The following RFC2 variants were observed in gnomAD, a reference collection of about 807,000 sequenced individuals.
The protein encoded by RFC2 is replication factor C subunit 2.
RFC2 carries 34 observed loss-of-function variants against 44.8 expected under a neutral mutation model. The observed-to-expected ratio is 0.76, with a 90% CI of 0.58 to 1.01. The LOEUF (loss-of-function observed/expected upper bound fraction) is 1.01. Among genes scored for constraint, RFC2 ranks in the 50% least tolerant of loss-of-function variants. RFC2 has a pLI of 0.00. For missense variants in RFC2, 400 were observed against 453.6 expected (o/e 0.88, Z 1.07); for synonymous variants, 177 against 168.9 (o/e 1.05, Z -0.37).
Position 74,240,049 on chromosome 7 carries a change from G to C in RFC2, c.582C>G (p.Thr194=), listed in dbSNP as rs142341467. ...TCAGCCTGGTGAGGATCTGGGCGTCGGTCAGCTTTGTGTACCGGAGGACTG... is the reference window on the plus strand; with the variant it reads ...TCAGCCTGGTGAGGATCTGGGCGTCCGTCAGCTTTGTGTACCGGAGGACTG... The part of the protein sequence containing the change: ...RCAVLRYTKL[T]DAQILTRLMN... Residue 194 remains threonine (T), a synonymous_variant, in exon 7 of 11, where the codon ACC becomes ACG. Coordinates refer to ENST00000055077, the MANE Select transcript of RFC2 (RefSeq NM_181471.3). 1 of 1,614,016 alleles carries C rather than the reference G, an allele frequency of 6.2e-7. No individual in the cohort carries two copies. The highest frequency in any genetic ancestry group is 8.5e-7 in the Non-Finnish European group (1 of 1,179,942).
chr7:74,232,296 T>C, intron 10 of RFC2, 80 bp from the exon 11 acceptor site: 1 of 795,872 alleles, frequency 1.3e-6, no homozygotes, highest in Non-Finnish European at 2.1e-6. Context: ...AAAATAAAAA[T>C]AAAAACAGAA....
chr7:74,254,359 C>T lies in RFC2; in HGVS notation c.25G>A (p.Gly9Ser), dbSNP rs1554721611. ...TCCTGGGCCTCCACCTCGCCCGCGC[C>T]ACCACAGACGGCCTCCACCTCCATT... is the stretch of plus-strand genomic sequence containing the variant. MEVEAVCGGAGEVEAQDSD... is the reference protein window; with the variant it reads MEVEAVCGSAGEVEAQDSD... Residue 9 changes from glycine to serine, a missense_variant, in exon 1 of 11, where the codon GGC (glycine) becomes AGC (serine). By Grantham distance (56) the Gly-to-Ser change is moderately conservative. Coordinates refer to ENST00000055077, the MANE Select transcript of RFC2 (RefSeq NM_181471.3). The T allele has an allele frequency of 2.5e-6, 4 of 1,608,994 alleles. No homozygotes were observed. The Admixed American group carries it at 6.7e-5, about 27-fold the overall frequency.
At position 74,238,126 on chromosome 7, in the gene RFC2, A is replaced by G. The variant is rs1803126877; in HGVS notation, c.760-684T>C. On this transcript the variant is annotated intron_variant, in intron 8 of 10. Coordinates refer to ENST00000055077, the MANE Select transcript of RFC2 (RefSeq NM_181471.3). The surrounding 1 kb of genome is among the most constrained non-coding windows in gnomAD (Gnocchi z 4.0). ...TCCAAGACAAAACAGGGCCCGAACC[A>G]TCACCCCTGTTTCTGAGCGGGCCTC... Among the ~76,000 whole-genome samples, 1 of 151,968 alleles carries G rather than the reference A, an allele frequency of 6.6e-6. No homozygotes were observed. The highest frequency in any genetic ancestry group is 1.5e-5 in the Non-Finnish European group (1 of 67,992).
chr7:74,243,846 T>G (rs782429414), intron 5 of RFC2, among the ~76,000 whole-genome samples: 1 of 151,168 alleles, frequency 6.6e-6, no homozygotes, highest in Non-Finnish European at 1.5e-5. Context: ...ATTATCATAA[T>G]GTAGAGCAAT....
Position 74,232,166 on chromosome 7 carries a change from CAA to C in RFC2, c.1003_1004del (p.Leu335AlafsTer26). 1 of 1,613,768 alleles carries C rather than the reference CAA, an allele frequency of 6.2e-7. No individual in the cohort carries two copies. Among genetic ancestry groups the C allele is most frequent in the Non-Finnish European group, 8.5e-7 (1 of 1,179,636 alleles). On this transcript the variant is annotated frameshift_variant, in exon 11 of 11. Coordinates refer to ENST00000055077, the MANE Select transcript of RFC2 (RefSeq NM_181471.3). LOFTEE classifies it high-confidence loss of function. ...GCCTTGCCAGGAGGCCTGCCATCTG[CAA>C]AAGAGAGTTCACTCCTTCCGCTATT... Reference protein sequence around the residue: ...MKIAEGVNSLLQMAGLLARLC... With the variant: ...MKIAEGVNSLXQMAGLLARLC...
Position 74,247,645 on chromosome 7 carries a change from AAAAG to A in RFC2, c.333-886_333-883del, listed in dbSNP as rs553372709. ...ACAGAGCAAGACTCTGTCTCAAAAA[AAAAG>A]AAAGAAAGAAAAGAACAGAACAGAA... On this transcript the variant is annotated intron_variant, in intron 4 of 10. Coordinates refer to ENST00000055077, the MANE Select transcript of RFC2 (RefSeq NM_181471.3). Among the ~76,000 whole-genome samples, 16 of 152,326 alleles carry A rather than the reference AAAAG, an allele frequency of 1.1e-4. No homozygotes were observed. In the East Asian group the frequency reaches 2.3e-3, roughly 22 times the overall value.
At chr7:74,241,368 G>T (rs1803320519) in intron 6 of RFC2, among the ~76,000 whole-genome samples, 1 of 152,254 alleles carries the variant, frequency 6.6e-6, no homozygotes, top group Non-Finnish European at 1.5e-5. Context: ...TAAGCGTTCG[G>T]TGAATGGGTT....
rs782099607 is a variant in RFC2 at position 74,249,092 on chromosome 7, T to C, written c.252A>G (p.Thr84=). ...IAGPPGTGKT[T]SILCLARALL... ...GGGCCCGGGCCAAGCACAGAATGCT[T>C]GTGGTCTTGCCGGTTCCTGGAGGGC... The change falls in exon 4 of 11, where the codon ACA becomes ACG. Residue 84 remains threonine (T), a synonymous_variant. Coordinates refer to ENST00000055077, the MANE Select transcript of RFC2 (RefSeq NM_181471.3). 2.5e-6 allele frequency: 4 copies of C among 1,613,996 alleles called. No homozygotes were observed. The highest frequency in any genetic ancestry group is 2.5e-6 in the Non-Finnish European group (3 of 1,180,010).
intron 7 of RFC2, among the ~76,000 whole-genome samples, chr7:74,239,729 TCAG>T (rs1424944418): frequency 1.3e-5 from 2 of 152,192 alleles, no homozygotes; most frequent in Non-Finnish European, 2.9e-5. Flanking sequence ...TCCTCCTGCC[TCAG>T]CCTCCGGGGT....
rs71094767 is a variant in RFC2 at position 74,242,749 on chromosome 7, TAA to T, written c.535+395_535+396del. Among the ~76,000 whole-genome samples, 92 of 105,634 alleles carry T rather than the reference TAA, an allele frequency of 8.7e-4. 2 individuals carry two copies. Among genetic ancestry groups the T allele is most frequent in the African/African-American group, 2.5e-3 (68 of 26,866 alleles). The allele number at this position is 105,634 out of a possible 152,430, so 69.3% of individuals were successfully genotyped here. On this transcript the variant is annotated intron_variant, in intron 6 of 10. Transcript: ENST00000055077. The stretch of plus-strand genomic sequence containing the variant: ...GCCAACATGGTGAAACCCCATCTCT[TAA>T]AAAAAAAAAAAAAAAAAAAAAATTA...
intron 10 of RFC2, among the ~76,000 whole-genome samples, chr7:74,234,339 T>C (rs1802889641): frequency 6.6e-6 from 1 of 152,114 alleles, no homozygotes; most frequent in African/African-American, 2.4e-5. Context: ...ACACATGAGT[T>C]GTTCTGGGAT....
At chr7:74,235,273 G>A (rs1554718048) in intron 10 of RFC2, among the ~76,000 whole-genome samples, 1 of 152,226 alleles carries the variant, frequency 6.6e-6, no homozygotes, top group East Asian at 1.9e-4. Context: ...CTGACCTCAG[G>A]TGATCCGCCC....
Position 74,249,027 on chromosome 7 carries a change from T to C in RFC2, c.317A>G (p.Asn106Ser), listed in dbSNP as rs781895699. Residue 106 changes from asparagine (N) to serine (S), a missense_variant, in exon 4 of 11, where the codon AAT becomes AGT. By Grantham distance (46) the Asn-to-Ser change is conservative. Coordinates refer to ENST00000055077, the MANE Select transcript of RFC2 (RefSeq NM_181471.3). ...TAAGACCTACCTGTCATTTGAAGCA[T>C]TGAGTTCCAACATGGCATCTTTGAG... ...PALKDAMLEL[N>S]ASNDRGIDVV... 5.6e-6 allele frequency: 9 copies of C among 1,613,122 alleles called. No individual in the cohort carries two copies. The highest frequency in any genetic ancestry group is 1.1e-5 in the South Asian group (1 of 91,082).
chr7:74,240,802 T>A (rs941442228), intron 6 of RFC2, among the ~76,000 whole-genome samples: 6 of 152,126 alleles, frequency 3.9e-5, no homozygotes, highest in Admixed American at 6.5e-5. Context: ...GTTTCTTTCT[T>A]TTTTTTTCAT....
Position 74,240,112 on chromosome 7 carries a change from C to T in RFC2, c.536-17G>A. On this transcript the variant is annotated splice_polypyrimidine_tract_variant and intron_variant, in intron 6 of 10. Transcript: ENST00000055077. The stretch of plus-strand genomic sequence containing the variant: ...GAATGGGCTCTGAACAGAGACGGGA[C>T]AGTAGTGAGGCTTCCCTGCAGAGGC... The T allele has an allele frequency of 6.2e-7, 1 of 1,610,550 alleles. No individual in the cohort carries two copies. Among genetic ancestry groups the T allele is most frequent in the Non-Finnish European group, 8.5e-7 (1 of 1,177,500 alleles).
At position 74,231,940 on chromosome 7, in the gene RFC2, A is replaced by T; in HGVS notation, c.*166T>A. ...GGTGATCCACCTGCCTCGGCCTCCC[A>T]AAGTGTTGGGATTACAGGCGTGAGC... On this transcript the variant is annotated 3_prime_UTR_variant, in exon 11 of 11. Coordinates refer to ENST00000055077, the MANE Select transcript of RFC2 (RefSeq NM_181471.3). The T allele has an allele frequency of 1.8e-6, 1 of 550,078 alleles. No homozygotes were observed. 34.1% of individuals were successfully genotyped at this position (550,078 alleles called of 1,614,324 possible).
intron 5 of RFC2, among the ~76,000 whole-genome samples, chr7:74,244,015 C>T (rs2116309968): frequency 6.7e-6 from 1 of 150,204 alleles, no homozygotes; most frequent in East Asian, 2.0e-4. Flanking sequence ...CATTGGGAGG[C>T]CGAGGCAGGT....
intron 5 of RFC2, among the ~76,000 whole-genome samples, chr7:74,243,800 A>T (rs1554719578): frequency 1.3e-5 from 2 of 150,798 alleles, no homozygotes; most frequent in Non-Finnish European, 3.0e-5. Context: ...ATTTCTACAA[A>T]AAATTTTAAA....
At chr7:74,247,249 C>G (rs1554720237) in intron 4 of RFC2, among the ~76,000 whole-genome samples, 1 of 151,954 alleles carries the variant, frequency 6.6e-6, no homozygotes, top group Admixed American at 6.6e-5. Flanking sequence ...TTTCACTAAC[C>G]ACAGCCAAGA....
Sources: gnomAD v4.1 joint callset for allele counts (sites outside exome capture counted in the v4.1 genomes callset) on GRCh38, gnomAD v4.1.1 for gene constraint, Gnocchi (gnomAD v3.1) non-coding constraint, MANE v1.5 for transcripts, NCBI Gene and HGNC (gene_info 2026-07-23, HGNC 2026-07-21) for gene names.